POLG2: variants seen among roughly 807,000 people sequenced by gnomAD.
POLG2 encodes the protein DNA polymerase gamma 2, accessory subunit.
A neutral mutation model predicts 56.5 loss-of-function variants in POLG2; 50 were observed. The ratio of observed to expected loss-of-function variants is 0.88; its 90% CI spans 0.71 to 1.12. POLG2 has a LOEUF of 1.12. POLG2 is among the 50% of genes most tolerant of loss of function. The probability of loss-of-function intolerance (pLI) is 0.00; values close to 1 mark genes in which losing one functional copy is unlikely to be tolerated. For synonymous variants in POLG2, 226 were observed against 222.6 expected (o/e 1.02, Z -0.14); for missense variants, 584 against 583.3 (o/e 1.00, Z -0.01).
In POLG2 at chr17:64,496,818, C is replaced by G. The variant is rs782676579; in HGVS notation, c.151G>C (p.Glu51Gln). ...GGHVKSHAEL[E>Q]GNGEHPEAPG... is the part of the protein sequence containing the mutation. Reference sequence around the variant, plus strand: ...GCTTCTGGGTGCTCGCCGTTCCCCTCGAGCTCCGCGTGCGACTTCACATGC... The same window carrying G: ...GCTTCTGGGTGCTCGCCGTTCCCCTGGAGCTCCGCGTGCGACTTCACATGC... Residue 51 changes from glutamate (E) to glutamine (Q), a missense_variant, in exon 1 of 8, where the codon GAG becomes CAG. Coordinates refer to ENST00000539111, the MANE Select transcript of POLG2 (RefSeq NM_007215.4). 5.6e-6 allele frequency: 9 copies of G among 1,613,866 alleles called. No homozygotes were observed. Among genetic ancestry groups the G allele is most frequent in the Non-Finnish European group, 7.6e-6 (9 of 1,180,026 alleles).
chr17:64,492,967 T>C lies in POLG2; in HGVS notation c.617A>G (p.Tyr206Cys), dbSNP rs781961764. The change falls in exon 2 of 8, where the codon TAT becomes TGT. Residue 206 changes from tyrosine (Y) to cysteine (C), a missense_variant. Transcript: ENST00000539111. Reference protein sequence around the residue: ...CLDLVNKRLPYGLAQIGVCFH... With the variant: ...CLDLVNKRLPCGLAQIGVCFH... ...ACACACTCCAATCTGAGCAAGGCCA[T>C]AAGGTAGCCTCTTGTTTACCAGATC... The C allele has an allele frequency of 5.0e-6, 8 of 1,613,860 alleles. No individual in the cohort carries two copies. In the Admixed American group the frequency reaches 1.0e-4, roughly 20 times the overall value.
chr17:64,482,203 A>C (rs1460114643), intron 6 of POLG2, among the ~76,000 whole-genome samples: 1 of 148,392 alleles, frequency 6.7e-6, no homozygotes, highest in African/African-American at 2.5e-5. Context: ...TCCCAGGTTC[A>C]AGTGATTCTT....
At chr17:64,486,506 C>A (rs2037958467) in intron 4 of POLG2, among the ~76,000 whole-genome samples, 1 of 152,006 alleles carries the variant, frequency 6.6e-6, no homozygotes, top group South Asian at 2.1e-4. Context: ...GGACTACAGG[C>A]ACACACCACC....
At position 64,496,756 on chromosome 17, in the gene POLG2, C is replaced by G; in HGVS notation, c.213G>C (p.Glu71Asp). ...GSGEGSEALL[E>D]ICQRRHFLSG... ...TTAGGAAATGCCTTCTCTGACAGAT[C>G]TCTAACAGCGCCTCGCTTCCCTCTC... The change falls in exon 1 of 8, where the codon GAG becomes GAC. Residue 71 changes from glutamate to aspartate, a missense_variant. Coordinates refer to ENST00000539111, the MANE Select transcript of POLG2 (RefSeq NM_007215.4). 6.2e-7 allele frequency: 1 copy of G among 1,614,064 alleles called. No homozygotes were observed. Among genetic ancestry groups the G allele is most frequent in the Non-Finnish European group, 8.5e-7 (1 of 1,180,026 alleles).
intron 6 of POLG2, among the ~76,000 whole-genome samples, chr17:64,482,565 G>A (rs1210012319): frequency 3.3e-5 from 5 of 152,118 alleles, no homozygotes; most frequent in East Asian, 1.9e-4. Flanking sequence ...TGATCCACCC[G>A]CTTTGGCCTC....
rs1309225928 is a variant in POLG2, at chr17:64,491,857, C to T, written c.795+810G>A. Reference sequence around the variant, plus strand: ...AACCCCTCCATAAGCAACACAATCTCGATTGTTGCTGAATCCTTTCATATC... The same window carrying T: ...AACCCCTCCATAAGCAACACAATCTTGATTGTTGCTGAATCCTTTCATATC... On this transcript the variant is annotated intron_variant, in intron 3 of 7. Coordinates refer to ENST00000539111, the MANE Select transcript of POLG2 (RefSeq NM_007215.4). 6 of 320,144 alleles carry T rather than the reference C, an allele frequency of 1.9e-5. No individual in the cohort carries two copies. In the East Asian group the frequency reaches 2.5e-4, roughly 14 times the overall value. 19.8% of individuals were successfully genotyped at this position (320,144 alleles called of 1,614,324 possible). A position where few individuals can be genotyped will look rare whatever the true frequency, so the allele number is the denominator to read the frequency against.
chr17:64,478,106 A>G (rs2037797667), intron 7 of POLG2, 118 bp from the exon 8 acceptor site: 4 of 998,946 alleles, frequency 4.0e-6, no homozygotes, highest in Non-Finnish European at 6.0e-6. Context: ...TCAGGGCTTA[A>G]GGGTGGACCA....
At chr17:64,491,910 G>T (rs2144193135) in intron 3 of POLG2, 6 of 132,806 alleles carry the variant, frequency 4.5e-5, no homozygotes, top group South Asian at 2.1e-4. Flanking sequence ...CCAAATAAAA[G>T]ATGACTGGTA....
rs1555668728 is a variant in POLG2, at chr17:64,492,710, C to T, written c.752G>A (p.Trp251Ter). 1.2e-6 allele frequency: 2 copies of T among 1,612,968 alleles called. No individual in the cohort carries two copies. Among genetic ancestry groups the T allele is most frequent in the Non-Finnish European group, 1.7e-6 (2 of 1,179,350 alleles). Reference sequence around the variant, plus strand: ...TCGATGACGTAACCAGAAATCAAGCCACTGGTTTGAAGTTCTCGGAGGAGT... The same window carrying T: ...TCGATGACGTAACCAGAAATCAAGCTACTGGTTTGAAGTTCTCGGAGGAGT... The part of the protein sequence containing the change: ...WFTPPRTSNQ[W>*]LDFWLRHRLQ... The change falls in exon 3 of 8, where the codon TGG (tryptophan) becomes TAG (stop). Residue 251 changes from tryptophan (W) to a stop codon, truncating the protein, a stop_gained. Transcript: ENST00000539111. LOFTEE classifies it high-confidence loss of function.
At chr17:64,491,700 T>A (rs1598132676) in intron 3 of POLG2, 1 of 1,039,192 alleles carries the variant, frequency 9.6e-7, no homozygotes, top group South Asian at 1.2e-5. Context: ...CATCTCGGGG[T>A]TTACCATGGT....
chr17:64,480,276 A>G lies in POLG2; in HGVS notation c.1292+13T>C. ...TGAATAAATACACTCTTTAATGAAA[A>G]TACAATTCTTACTTCGAATAAAGTT... On this transcript the variant is annotated intron_variant, in intron 7 of 7. Coordinates refer to ENST00000539111, the MANE Select transcript of POLG2 (RefSeq NM_007215.4). The G allele has an allele frequency of 1.5e-6, 2 of 1,302,746 alleles. No individual in the cohort carries two copies. Among genetic ancestry groups the G allele is most frequent in the Non-Finnish European group, 2.2e-6 (2 of 906,606 alleles). 80.7% of individuals were successfully genotyped at this position (1,302,746 alleles called of 1,614,324 possible).
At chr17:64,484,120 G>T (rs1555667046) in intron 5 of POLG2, 1 of 152,202 alleles carries the variant, frequency 6.6e-6, no homozygotes, top group African/African-American at 2.4e-5. Flanking sequence ...GTGGCAGGGA[G>T]AAACAGACAA....
intron 3 of POLG2, among the ~76,000 whole-genome samples, chr17:64,491,968 A>G (rs1244736633): frequency 6.6e-6 from 1 of 152,066 alleles, no homozygotes; most frequent in Non-Finnish European, 1.5e-5. Flanking sequence ...AGACAACAAA[A>G]ATAAAATAAA....
At chr17:64,493,991 TACC>T (rs782045744) in intron 1 of POLG2, among the ~76,000 whole-genome samples, 18 of 152,196 alleles carry the variant, frequency 1.2e-4, no homozygotes, top group Non-Finnish European at 2.9e-5. Context: ...TTAACCATAA[TACC>T]ACAATATAAT....
chr17:64,486,286 T>A (rs1038914518), intron 4 of POLG2, among the ~76,000 whole-genome samples: 2 of 152,046 alleles, frequency 1.3e-5, no homozygotes, highest in African/African-American at 2.4e-5. Flanking sequence ...GACTTAGGCA[T>A]CAATTTTTTC....
At chr17:64,487,020 A>G (rs1343181632) in intron 4 of POLG2, 1 of 152,066 alleles carries the variant, frequency 6.6e-6, no homozygotes, top group African/African-American at 2.4e-5. Flanking sequence ...ATCATTGTTC[A>G]CCTGGATATT....
At chr17:64,485,909 C>CT (rs782413874) in intron 4 of POLG2, 41 bp from the exon 5 acceptor site, 2 of 1,609,274 alleles carry the variant, frequency 1.2e-6, no homozygotes, top group Admixed American at 1.7e-5. Flanking sequence ...TTTCACAGAA[C>CT]TTTTTTTGTT....
chr17:64,495,731 G>C (rs1378169640), intron 1 of POLG2, among the ~76,000 whole-genome samples: 2 of 150,662 alleles, frequency 1.3e-5, no homozygotes, highest in Non-Finnish European at 2.9e-5. Context: ...TTTTTAAGAC[G>C]GAGTTTTGCT....
Position 64,485,871 on chromosome 17 carries a change from T to C in POLG2, c.970-3A>G. The C allele has an allele frequency of 6.2e-7, 1 of 1,613,986 alleles. No individual in the cohort carries two copies. Among genetic ancestry groups the C allele is most frequent in the Non-Finnish European group, 8.5e-7 (1 of 1,179,858 alleles). ...ACATTTTTTCGTCCATCTCGGCCCT[T>C]CACAGAAAAACAGAAGAAAAATAAT... On this transcript the variant is annotated splice_region_variant and splice_polypyrimidine_tract_variant and intron_variant, in intron 4 of 7. Transcript: ENST00000539111.
Sources: allele counts gnomAD v4.1 joint callset (sites outside exome capture counted in the v4.1 genomes callset), GRCh38; gene constraint gnomAD v4.1.1; transcripts MANE v1.5; gene names NCBI Gene and HGNC (gene_info 2026-07-23, HGNC 2026-07-21).